The following THSD7A variants were observed in gnomAD, a reference collection of about 807,000 sequenced individuals.
THSD7A encodes the protein thrombospondin type 1 domain containing 7A.
Under a neutral mutation model 231.3 loss-of-function variants are expected in THSD7A, and 96 were observed. The observed-to-expected ratio is 0.41, with a 90% CI of 0.35 to 0.49. THSD7A has a LOEUF of 0.49. Ranked by LOEUF, THSD7A falls within the 20% of genes least tolerant of loss-of-function variation. The probability of loss-of-function intolerance (pLI) is 0.05; values close to 1 mark genes in which losing one functional copy is unlikely to be tolerated. For missense variants in THSD7A, 2,290 were observed against 2,070.2 expected (o/e 1.11, Z -2.06); for synonymous variants, 940 against 743.3 (o/e 1.26, Z -4.30).
chr7:11,407,215 G>T, intron 20 of THSD7A, 91 bp downstream of exon 20: 1 of 1,433,530 alleles, frequency 7.0e-7, no homozygotes, highest in Non-Finnish European at 9.6e-7. Flanking sequence ...CAACCTTTCT[G>T]AAGATTATTT....
intron 2 of THSD7A, among the ~76,000 whole-genome samples, chr7:11,619,948 C>T (rs1781249073): frequency 6.6e-6 from 1 of 152,140 alleles, no homozygotes; most frequent in South Asian, 2.1e-4. Context: ...TGCTGTTCAT[C>T]TTTAACATAG....
At position 11,474,787 on chromosome 7, in the gene THSD7A, G is replaced by A. The variant is rs1356360587; in HGVS notation, c.2018-219C>T. Among the ~76,000 whole-genome samples the A allele has an allele frequency of 6.6e-6, 1 of 152,122 alleles. No individual in the cohort carries two copies. The highest frequency in any genetic ancestry group is 1.5e-5 in the Non-Finnish European group (1 of 68,018). On this transcript the variant is annotated intron_variant, in intron 7 of 27. Transcript: ENST00000423059. This position sits in a 1 kb window ranked among gnomAD's most constrained non-coding sequence, Gnocchi z 4.1. ...CACTCAAGGATCTCATAATGTAGTA[G>A]GGAAAAGTAGTAGGGGAGATAAGGA...
chr7:11,610,232 T>C lies in THSD7A; in HGVS notation c.1023-16730A>G, dbSNP rs565131052. On this transcript the variant is annotated intron_variant, in intron 2 of 27. Transcript: ENST00000423059. Reference sequence around the variant, plus strand: ...ACACTTGATTATATACTGACTCTTGTTCCTCTGTAATTTTTGCATGTGTAA... The same window carrying C: ...ACACTTGATTATATACTGACTCTTGCTCCTCTGTAATTTTTGCATGTGTAA... Among the ~76,000 whole-genome samples, 6 of 152,246 alleles carry C rather than the reference T, an allele frequency of 3.9e-5. No individual in the cohort carries two copies. The South Asian group carries it at 1.0e-3, about 26-fold the overall frequency.
At chr7:11,719,799 T>C (rs1781283554) in intron 1 of THSD7A, among the ~76,000 whole-genome samples, 1 of 151,738 alleles carries the variant, frequency 6.6e-6, no homozygotes, top group Non-Finnish European at 1.5e-5. Flanking sequence ...TATAGATCAA[T>C]GGGGAAGAGG....
chr7:11,381,287 G>A lies in THSD7A; in HGVS notation c.4507+1234C>T, dbSNP rs548231146. ...CTACTAGATGTCTTTTCTTTGTTCC[G>A]TATGTGACCACAGGGAGTTGTTATT... On this transcript the variant is annotated intron_variant, in intron 24 of 27. Coordinates refer to ENST00000423059, the MANE Select transcript of THSD7A (RefSeq NM_015204.3). Among the ~76,000 whole-genome samples the A allele has an allele frequency of 5.9e-5, 9 of 152,148 alleles. No individual in the cohort carries two copies. The East Asian group carries it at 7.7e-4, about 13-fold the overall frequency.
intron 1 of THSD7A, among the ~76,000 whole-genome samples, chr7:11,677,757 C>A (rs1783700890): frequency 6.6e-6 from 1 of 152,026 alleles, no homozygotes; most frequent in South Asian, 2.1e-4. Flanking sequence ...GAGACTTTAA[C>A]ACCACACTGT....
In THSD7A at chr7:11,706,234, G is replaced by C. The variant is rs1480720205; in HGVS notation, c.191-69273C>G. 2.0e-5 allele frequency among the ~76,000 whole-genome samples: 3 copies of C among 150,976 alleles called. No homozygotes were observed. The East Asian group carries it at 5.9e-4, about 30-fold the overall frequency. ...TGTACACATATCTCTTATTGATACA[G>C]CTAGAGCACATGTGTATTGTCCCAT... is the stretch of plus-strand genomic sequence containing the variant. On this transcript the variant is annotated intron_variant, in intron 1 of 27. Transcript: ENST00000423059.
chr7:11,460,227 C>G (rs970205183), intron 11 of THSD7A, among the ~76,000 whole-genome samples: 1 of 152,084 alleles, frequency 6.6e-6, no homozygotes, highest in African/African-American at 2.4e-5. Flanking sequence ...CTGAGAACTT[C>G]TGAAAAAGTT....
At chr7:11,412,454 T>C (rs956426743) in intron 18 of THSD7A, among the ~76,000 whole-genome samples, 1 of 152,150 alleles carries the variant, frequency 6.6e-6, no homozygotes, top group Non-Finnish European at 1.5e-5. Flanking sequence ...TGTTGACATT[T>C]TTATTTCCTC....
At chr7:11,436,220 T>C (rs937740173) in intron 13 of THSD7A, among the ~76,000 whole-genome samples, 8 of 152,042 alleles carry the variant, frequency 5.3e-5, no homozygotes, top group African/African-American at 1.9e-4. Flanking sequence ...AGTGTTCAAA[T>C]TGTGAAGATG....
chr7:11,713,595 G>A (rs1562496616), intron 1 of THSD7A, among the ~76,000 whole-genome samples: 1 of 151,140 alleles, frequency 6.6e-6, no homozygotes, highest in Non-Finnish European at 1.5e-5. Flanking sequence ...ATATCAGGAA[G>A]CAATTGTATA....
chr7:11,772,039 A>G (rs755339774), intron 1 of THSD7A, among the ~76,000 whole-genome samples: 6 of 152,172 alleles, frequency 3.9e-5, no homozygotes, highest in Non-Finnish European at 7.3e-5. Flanking sequence ...CAGCCTGCAG[A>G]ACTGTGAGCC....
chr7:11,461,943 C>G (rs1328026937), intron 10 of THSD7A, 68 bp downstream of exon 10: 1 of 1,549,540 alleles, frequency 6.5e-7, no homozygotes, highest in Non-Finnish European at 8.8e-7. Flanking sequence ...TTTCCTTATC[C>G]TAGGAAAGGA....
intron 1 of THSD7A, among the ~76,000 whole-genome samples, chr7:11,748,390 A>G (rs892432405): frequency 1.3e-5 from 2 of 152,034 alleles, no homozygotes; most frequent in East Asian, 1.9e-4. Flanking sequence ...AGATAAAACC[A>G]TTCCCCGATT....
At chr7:11,505,258 A>T (rs1562665455) in intron 6 of THSD7A, among the ~76,000 whole-genome samples, 1 of 152,204 alleles carries the variant, frequency 6.6e-6, no homozygotes, top group African/African-American at 2.4e-5. Flanking sequence ...AGCTAATTTC[A>T]TTAATCGTCC....
chr7:11,780,729 G>T (rs1783596121), intron 1 of THSD7A, among the ~76,000 whole-genome samples: 1 of 152,106 alleles, frequency 6.6e-6, no homozygotes, highest in Non-Finnish European at 1.5e-5. Flanking sequence ...ATTGTTTTAA[G>T]CCACTGAGTT....
chr7:11,562,575 A>G (rs1024950167), intron 4 of THSD7A, among the ~76,000 whole-genome samples: 5 of 152,148 alleles, frequency 3.3e-5, no homozygotes, highest in Non-Finnish European at 7.4e-5. Flanking sequence ...CTAATTCACA[A>G]ATACAAGGAA....
intron 1 of THSD7A, among the ~76,000 whole-genome samples, chr7:11,648,277 G>C (rs752084031): frequency 1.3e-5 from 2 of 151,996 alleles, no homozygotes; most frequent in Non-Finnish European, 2.9e-5. Flanking sequence ...CCATTTGCAA[G>C]TAGCGCCAAA....
chr7:11,714,090 A>G (rs1467943449), intron 1 of THSD7A, among the ~76,000 whole-genome samples: 2 of 151,288 alleles, frequency 1.3e-5, no homozygotes, highest in African/African-American at 2.4e-5. Context: ...AATGAAGGTC[A>G]CAGTCAAAAA....
Sources: gnomAD v4.1 joint callset for allele counts (sites outside exome capture counted in the v4.1 genomes callset) on GRCh38, gnomAD v4.1.1 for gene constraint, Gnocchi (gnomAD v3.1) non-coding constraint, MANE v1.5 for transcripts, NCBI Gene and HGNC (gene_info 2026-07-23, HGNC 2026-07-21) for gene names.